The following OR5A1 variants were observed in gnomAD, a reference collection of about 807,000 sequenced individuals.
OR5A1 encodes olfactory receptor family 5 subfamily A member 1.
OR5A1 carries 6 observed loss-of-function variants against 6.7 expected under a neutral mutation model. The observed-to-expected ratio is 0.89, with a 90% confidence interval of 0.49 to 1.76. OR5A1 has a LOEUF of 1.76. Among genes scored for constraint, OR5A1 ranks in the 40% most tolerant of loss-of-function variants. The pLI, the probability that OR5A1 is intolerant of heterozygous loss-of-function variation, is 0.01. For synonymous variants in OR5A1, 170 were observed against 155.0 expected, an observed-to-expected ratio of 1.10 and a Z score of -0.72; for missense variants, 378 against 381.7, an observed-to-expected ratio of 0.99 and a Z score of 0.08.
intron 1 of OR5A1, among the ~76,000 whole-genome samples, chr11:59,439,321 T>C (rs1858456334): frequency 6.6e-6 from 1 of 152,154 alleles, no homozygotes. Context: ...TCAAGGATAG[T>C]GTAGTTCACA....
At position 59,447,933 on chromosome 11, in the gene OR5A1, T is replaced by C. The variant is rs1858571336; in HGVS notation, c.*3817T>C. On this transcript the variant is annotated 3_prime_UTR_variant, in exon 2 of 2. Transcript: ENST00000641045. ...GCCAAGTTCTCCTGCCTAATTTTTT[T>C]CCCAGATTCACCACTCCTTTAAATC... The C allele has an allele frequency of 6.6e-6, 1 of 152,196 alleles. No homozygotes were observed. Among genetic ancestry groups the C allele is most frequent in the Non-Finnish European group, 1.5e-5 (1 of 68,064 alleles). 9.4% of individuals were successfully genotyped at this position (152,196 alleles called of 1,614,324 possible).
rs1014377033 is a variant in OR5A1, at chr11:59,448,639, G to C, written c.*4523G>C. On this transcript the variant is annotated 3_prime_UTR_variant, in exon 2 of 2. Coordinates refer to ENST00000641045, the MANE Select transcript of OR5A1 (RefSeq NM_001004728.2). ...ACTCCCTGGACCTCACTAAATCCCT[G>C]GGCCAATCTCGCCCCATTCTTGCCC... 6.6e-6 allele frequency: 1 copy of C among 152,138 alleles called. No individual in the cohort carries two copies. The highest frequency in any genetic ancestry group is 2.4e-5 in the African/African-American group (1 of 41,430). 9.4% of individuals were successfully genotyped at this position (152,138 alleles called of 1,614,324 possible). A position where few individuals can be genotyped will look rare whatever the true frequency, so the allele number is the denominator to read the frequency against.
At position 59,449,045 on chromosome 11, in the gene OR5A1, G is replaced by C. The variant is rs1858585846; in HGVS notation, c.*4929G>C. 6.6e-6 allele frequency: 1 copy of C among 152,138 alleles called. No individual in the cohort carries two copies. 9.4% of individuals were successfully genotyped at this position (152,138 alleles called of 1,614,324 possible). Reference sequence around the variant, plus strand: ...GCTATCATAATGGGTGTGTGTGTGTGTGTGTGAAAAGGAGAGAAAAAACAT... The same window carrying C: ...GCTATCATAATGGGTGTGTGTGTGTCTGTGTGAAAAGGAGAGAAAAAACAT... On this transcript the variant is annotated 3_prime_UTR_variant, in exon 2 of 2. Transcript: ENST00000641045.
rs541026501 is a variant in OR5A1 at position 59,448,664 on chromosome 11, C to G, written c.*4548C>G. ...GGGCCAATCTCGCCCCATTCTTGCC[C>G]TTTGGTGTGAATCATCACAGTTGTA... On this transcript the variant is annotated 3_prime_UTR_variant, in exon 2 of 2. Transcript: ENST00000641045. 7.1e-4 allele frequency: 108 copies of G among 152,276 alleles called. No individual in the cohort carries two copies. Among genetic ancestry groups the G allele is most frequent in the African/African-American group, 2.2e-3 (93 of 41,560 alleles). The allele number at this position is 152,276 out of a possible 1,614,324, so 9.4% of individuals were successfully genotyped here.
At chr11:59,437,326 C>A (rs1424307748) in intron 1 of OR5A1, among the ~76,000 whole-genome samples, 2 of 152,154 alleles carry the variant, frequency 1.3e-5, no homozygotes, top group Admixed American at 1.3e-4. Context: ...CTGTGCTCTC[C>A]CTGTTCACCC....
intron 1 of OR5A1, among the ~76,000 whole-genome samples, chr11:59,438,371 A>G (rs912768471): frequency 2.6e-5 from 4 of 152,192 alleles, no homozygotes; most frequent in East Asian, 1.9e-4. Flanking sequence ...GAAAATCATG[A>G]TGAATTATTA....
At chr11:59,437,117 T>C (rs1444900819) in intron 1 of OR5A1, among the ~76,000 whole-genome samples, 1 of 152,202 alleles carries the variant, frequency 6.6e-6, no homozygotes, top group African/African-American at 2.4e-5. Flanking sequence ...GCCTCCTCCA[T>C]GATCAATCTC....
At chr11:59,441,912 CAGAT>C (rs1858483667) in intron 1 of OR5A1, among the ~76,000 whole-genome samples, 1 of 149,902 alleles carries the variant, frequency 6.7e-6, no homozygotes, top group African/African-American at 2.5e-5. Context: ...AGATGATAGA[CAGAT>C]AGATAAAGAT....
Position 59,451,348 on chromosome 11 carries a change from T to G in OR5A1, c.*7232T>G, listed in dbSNP as rs1464640306. ...TCCTTGGCCTCCTAATATATTTATC[T>G]GATCAATAGTTGATTGACTGTCTTT... is the stretch of plus-strand genomic sequence containing the variant. On this transcript the variant is annotated 3_prime_UTR_variant, in exon 2 of 2. Transcript: ENST00000641045. 6.6e-6 allele frequency: 1 copy of G among 152,192 alleles called. No homozygotes were observed. Among genetic ancestry groups the G allele is most frequent in the East Asian group, 1.9e-4 (1 of 5,202 alleles). 9.4% of individuals were successfully genotyped at this position (152,192 alleles called of 1,614,324 possible).
Position 59,443,629 on chromosome 11 carries a change from G to C in OR5A1, c.461G>C (p.Gly154Ala). ...CGCATGGTGGTTGGGGCATATGTTG[G>C]TGGCTTCCTGAGCTCCCTGATCCAG... ...CTRMVVGAYVGGFLSSLIQAS... is the reference protein window; with the variant it reads ...CTRMVVGAYVAGFLSSLIQAS... The change falls in exon 2 of 2, where the codon GGT (glycine) becomes GCT (alanine). Residue 154 changes from glycine to alanine, a missense_variant. Transcript: ENST00000641045. 6.2e-7 allele frequency: 1 copy of C among 1,614,020 alleles called. No homozygotes were observed. Among genetic ancestry groups the C allele is most frequent in the East Asian group, 2.2e-5 (1 of 44,872 alleles).
At chr11:59,441,979 GA>G (rs1565074755) in intron 1 of OR5A1, among the ~76,000 whole-genome samples, 30 of 148,984 alleles carry the variant, frequency 2.0e-4, no homozygotes, top group African/African-American at 5.5e-4. Context: ...TAGATAGATA[GA>G]TAGATAGATG....
chr11:59,439,842 G>GA (rs1858462357), intron 1 of OR5A1, among the ~76,000 whole-genome samples: 1 of 152,084 alleles, frequency 6.6e-6, no homozygotes, highest in South Asian at 2.1e-4. Context: ...GTCCATTAGT[G>GA]AACTTCTTAT....
chr11:59,450,477 G>A lies in OR5A1; in HGVS notation c.*6361G>A, dbSNP rs562182876. 1.3e-5 allele frequency: 2 copies of A among 152,084 alleles called. No individual in the cohort carries two copies. The highest frequency in any genetic ancestry group is 6.5e-5 in the Admixed American group (1 of 15,268). The allele number at this position is 152,084 out of a possible 1,614,324, so 9.4% of individuals were successfully genotyped here. ...TTTTCCATAATAAGTCAGCTTCTTA[G>A]AACAATTTTAAAAACAAAAAACAGA... On this transcript the variant is annotated 3_prime_UTR_variant, in exon 2 of 2. Coordinates refer to ENST00000641045, the MANE Select transcript of OR5A1 (RefSeq NM_001004728.2).
At position 59,444,098 on chromosome 11, in the gene OR5A1, G is replaced by C; in HGVS notation, c.930G>C (p.Arg310Ser). 6.2e-7 allele frequency: 1 copy of C among 1,611,804 alleles called. No individual in the cohort carries two copies. The highest frequency in any genetic ancestry group is 1.1e-5 in the South Asian group (1 of 90,990). Residue 310 changes from arginine to serine, a missense_variant, in exon 2 of 2, where the codon AGG (arginine) becomes AGC (serine). Arg to Ser is a moderately radical substitution (Grantham distance 110). Coordinates refer to ENST00000641045, the MANE Select transcript of OR5A1 (RefSeq NM_001004728.2). ...IKDALWKVLE[R>S]KKVFS is the part of the protein sequence containing the mutation. ...ATGCCCTGTGGAAGGTGTTGGAAAG[G>C]AAGAAAGTGTTTTCTTAGGTCATGC...
intron 1 of OR5A1, among the ~76,000 whole-genome samples, chr11:59,437,443 G>C (rs1330845570): frequency 6.6e-6 from 1 of 152,238 alleles, no homozygotes; most frequent in Middle Eastern, 3.4e-3. Context: ...TAGCCTTTCA[G>C]GTTAATTTAT....
rs1443925790 is a variant in OR5A1 at position 59,451,135 on chromosome 11, C to G, written c.*7019C>G. On this transcript the variant is annotated 3_prime_UTR_variant, in exon 2 of 2. Transcript: ENST00000641045. Reference sequence around the variant, plus strand: ...TCCTATTAATCATATGAAAGTGTCACTTTCCCCACATCTATGCCAACAGTG... The same window carrying G: ...TCCTATTAATCATATGAAAGTGTCAGTTTCCCCACATCTATGCCAACAGTG... 6.6e-6 allele frequency: 1 copy of G among 152,204 alleles called. No homozygotes were observed. Among genetic ancestry groups the G allele is most frequent in the Non-Finnish European group, 1.5e-5 (1 of 68,042 alleles). 9.4% of individuals were successfully genotyped at this position (152,204 alleles called of 1,614,324 possible).
chr11:59,442,337 G>A (rs954877503), intron 1 of OR5A1, among the ~76,000 whole-genome samples: 1 of 152,228 alleles, frequency 6.6e-6, no homozygotes, highest in African/African-American at 2.4e-5. Context: ...AGCTACTCAG[G>A]AGGCTGAAGC....
In OR5A1 at chr11:59,443,528, T is replaced by A. The variant is rs759983285; in HGVS notation, c.360T>A (p.Ala120=). Residue 120 remains alanine, a synonymous_variant, in exon 2 of 2, where the codon GCT becomes GCA. Coordinates refer to ENST00000641045, the MANE Select transcript of OR5A1 (RefSeq NM_001004728.2). ...MGLSECLLLT[A]MAYDRYAAIS... ...TGTCTGAGTGCCTCCTCCTGACTGC[T>A]ATGGCATACGACCGATATGCAGCCA... 5 of 1,614,120 alleles carry A rather than the reference T, an allele frequency of 3.1e-6. No homozygotes were observed. Among genetic ancestry groups the A allele is most frequent in the Admixed American group, 1.7e-5 (1 of 60,018 alleles).
In OR5A1 at chr11:59,445,291, G is replaced by A. The variant is rs1175105667; in HGVS notation, c.*1175G>A. Reference sequence around the variant, plus strand: ...TTATCTGTTCTTGGGTTAGTTTGCTGAGGATAATGGCTTCCAGCTCTATCC... The same window carrying A: ...TTATCTGTTCTTGGGTTAGTTTGCTAAGGATAATGGCTTCCAGCTCTATCC... On this transcript the variant is annotated 3_prime_UTR_variant, in exon 2 of 2. Coordinates refer to ENST00000641045, the MANE Select transcript of OR5A1 (RefSeq NM_001004728.2). The A allele has an allele frequency of 6.6e-6, 1 of 152,178 alleles. No individual in the cohort carries two copies. Among genetic ancestry groups the A allele is most frequent in the Non-Finnish European group, 1.5e-5 (1 of 68,038 alleles). The allele number at this position is 152,178 out of a possible 1,614,324, so 9.4% of individuals were successfully genotyped here. A position where few individuals can be genotyped will look rare whatever the true frequency, so the allele number is the denominator to read the frequency against.
Sources: allele counts gnomAD v4.1 joint callset (sites outside exome capture counted in the v4.1 genomes callset), GRCh38; gene constraint gnomAD v4.1.1; transcripts MANE v1.5; gene names NCBI Gene and HGNC (gene_info 2026-07-23, HGNC 2026-07-21).